The following HECW1 variants were observed in gnomAD, a reference collection of about 807,000 sequenced individuals.
The protein encoded by HECW1 is E3 ubiquitin-protein ligase HECW1.
A neutral mutation model predicts 182.3 loss-of-function variants in HECW1; 61 were observed. The ratio of observed to expected loss-of-function variants is 0.33; its 90% CI spans 0.27 to 0.41. The LOEUF (loss-of-function observed/expected upper bound fraction) is 0.41, where lower values mean the gene tolerates loss of function less well. HECW1 is among the 10% of genes least tolerant of loss of function. HECW1 has a pLI of 1.00. For synonymous variants in HECW1, 859 were observed against 832.6 expected, an observed-to-expected ratio of 1.03 and a Z score of -0.55; for missense variants, 1,739 against 2,108.9, an observed-to-expected ratio of 0.82 and a Z score of 3.44.
chr7:43,301,235 C>A (rs915686408), intron 3 of HECW1, among the ~76,000 whole-genome samples: 2 of 152,224 alleles, frequency 1.3e-5, no homozygotes, highest in Admixed American at 6.5e-5. Context: ...AATCTGGAAG[C>A]TCAGCATGCT....
At chr7:43,198,105 T>A (rs1162913830) in intron 2 of HECW1, among the ~76,000 whole-genome samples, 1 of 138,130 alleles carries the variant, frequency 7.2e-6, no homozygotes, top group Non-Finnish European at 1.6e-5. Flanking sequence ...ATTCACACAC[T>A]CACCCTACAC....
intron 6 of HECW1, among the ~76,000 whole-genome samples, chr7:43,389,908 C>T (rs185030832): frequency 1.3e-5 from 2 of 152,272 alleles, no homozygotes; most frequent in East Asian, 3.9e-4. Flanking sequence ...GCTGAGATTA[C>T]AGGTGTGAGC....
At chr7:43,335,771 TCTTTCTTC>T (rs1162661573) in intron 5 of HECW1, among the ~76,000 whole-genome samples, 2 of 116,424 alleles carry the variant, frequency 1.7e-5, no homozygotes, top group Admixed American at 7.8e-5. Context: ...CTTTCTTTTT[TCTTTCTTC>T]CTTTCTTCCT....
intron 12 of HECW1, among the ~76,000 whole-genome samples, chr7:43,455,843 A>T (rs1162543926): frequency 6.6e-6 from 1 of 152,028 alleles, no homozygotes; most frequent in East Asian, 1.9e-4. Context: ...CTACTAAAAA[A>T]TACCAAAATT....
rs2082254249 is a variant in HECW1, at chr7:43,563,137, T to C, written c.*1211T>C. 4.9e-6 allele frequency: 1 copy of C among 203,408 alleles called. No individual in the cohort carries two copies. The highest frequency in any genetic ancestry group is 6.0e-5 in the Admixed American group (1 of 16,668). 12.6% of individuals were successfully genotyped at this position (203,408 alleles called of 1,614,324 possible). ...GGGATCAAGGGCAACATAGTACTTC[T>C]CCTTCACCCATAGTAATCCTCCTGG... On this transcript the variant is annotated 3_prime_UTR_variant, in exon 30 of 30. Coordinates refer to ENST00000395891, the MANE Select transcript of HECW1 (RefSeq NM_015052.5).
At chr7:43,294,840 C>T (rs1383283744) in intron 3 of HECW1, among the ~76,000 whole-genome samples, 1 of 152,162 alleles carries the variant, frequency 6.6e-6, no homozygotes, top group African/African-American at 2.4e-5. Flanking sequence ...GACGCAGCCT[C>T]AGGAGGTCCT....
chr7:43,535,829 A>C (rs1329284992), intron 24 of HECW1, among the ~76,000 whole-genome samples: 2 of 152,212 alleles, frequency 1.3e-5, no homozygotes, highest in Non-Finnish European at 2.9e-5. Flanking sequence ...GAGTTGACTC[A>C]CTTTTTTAAA....
chr7:43,133,328 T>C (rs1787165182), intron 2 of HECW1, among the ~76,000 whole-genome samples: 1 of 151,986 alleles, frequency 6.6e-6, no homozygotes. Flanking sequence ...AATGAATTGG[T>C]AAACTTTTTA....
intron 16 of HECW1, among the ~76,000 whole-genome samples, chr7:43,470,006 A>G (rs1308961190): frequency 6.6e-6 from 1 of 152,032 alleles, no homozygotes; most frequent in Non-Finnish European, 1.5e-5. Context: ...GACTCTCTGG[A>G]GTGTATGGGG....
chr7:43,177,532 T>A (rs560233049), intron 2 of HECW1, among the ~76,000 whole-genome samples: 1 of 152,332 alleles, frequency 6.6e-6, no homozygotes, highest in Non-Finnish European at 1.5e-5. Flanking sequence ...CAGCATCCTT[T>A]TATTCTCCAT....
At chr7:43,442,922 C>G (rs578260511) in intron 10 of HECW1, among the ~76,000 whole-genome samples, 1 of 152,288 alleles carries the variant, frequency 6.6e-6, no homozygotes, top group South Asian at 2.1e-4. Context: ...TCATCCTACC[C>G]CCAGCACCCA....
At chr7:43,261,334 A>T (rs1437727981) in intron 3 of HECW1, among the ~76,000 whole-genome samples, 1 of 152,212 alleles carries the variant, frequency 6.6e-6, no homozygotes, top group African/African-American at 2.4e-5. Flanking sequence ...TGCTGTGAGT[A>T]GCATCCCAAG....
intron 2 of HECW1, among the ~76,000 whole-genome samples, chr7:43,218,012 G>A (rs918014839): frequency 1.3e-5 from 2 of 152,150 alleles, no homozygotes; most frequent in African/African-American, 4.8e-5. Flanking sequence ...AGGGAATGGG[G>A]GCACAGCACC....
chr7:43,127,612 C>T (rs2152615327), intron 2 of HECW1, among the ~76,000 whole-genome samples: 1 of 151,324 alleles, frequency 6.6e-6, no homozygotes, highest in South Asian at 2.1e-4. Flanking sequence ...AGGATCAAAC[C>T]AGCCACACAG....
chr7:43,564,236 G>GTT lies in HECW1; in HGVS notation c.*2311_*2312dup, dbSNP rs1220919651. ...GCATCTTTTATCTTTAGAACTTGGTGTTATATATATGTAAATACTCATTAA... is the reference window on the plus strand; with the variant it reads ...GCATCTTTTATCTTTAGAACTTGGTGTTTTATATATATGTAAATACTCATTAA... On this transcript the variant is annotated 3_prime_UTR_variant, in exon 30 of 30. Transcript: ENST00000395891. The GTT allele has an allele frequency of 5.2e-6, 1 of 191,092 alleles. No individual in the cohort carries two copies. Among genetic ancestry groups the GTT allele is most frequent in the East Asian group, 8.2e-5 (1 of 12,148 alleles). The allele number at this position is 191,092 out of a possible 1,614,324, so 11.8% of individuals were successfully genotyped here.
intron 5 of HECW1, among the ~76,000 whole-genome samples, chr7:43,328,525 C>T (rs996256996): frequency 6.6e-5 from 10 of 152,136 alleles, no homozygotes; most frequent in Admixed American, 6.6e-4. Flanking sequence ...GAGACAATGG[C>T]GTGTGGCAGT....
intron 8 of HECW1, among the ~76,000 whole-genome samples, chr7:43,427,313 T>C (rs1485918061): frequency 1.3e-5 from 2 of 152,220 alleles, no homozygotes; most frequent in African/African-American, 4.8e-5. Flanking sequence ...ATCTTGCAAA[T>C]TCACAATGTG....
intron 2 of HECW1, chr7:43,121,700 A>G (rs1049943282): frequency 6.6e-6 from 1 of 152,118 alleles, no homozygotes; most frequent in Admixed American, 6.5e-5. Flanking sequence ...CTCCTAGCAG[A>G]GTCCATCACT....
intron 3 of HECW1, among the ~76,000 whole-genome samples, chr7:43,284,582 T>G (rs1330886716): frequency 1.3e-5 from 2 of 151,888 alleles, no homozygotes; most frequent in Non-Finnish European, 2.9e-5. Context: ...TTGTCAATTT[T>G]CAAGATCAAT....
Sources: gnomAD v4.1 joint callset for allele counts (sites outside exome capture counted in the v4.1 genomes callset) on GRCh38, gnomAD v4.1.1 for gene constraint, MANE v1.5 for transcripts, NCBI Gene and HGNC (gene_info 2026-07-23, HGNC 2026-07-21) for gene names.